GABRB1: variants seen among roughly 807,000 people sequenced by gnomAD.
GABRB1 encodes the protein gamma-aminobutyric acid receptor subunit beta-1.
GABRB1 carries 17 observed loss-of-function variants against 51.6 expected under a neutral mutation model. The ratio of observed to expected loss-of-function variants is 0.33; its 90% CI spans 0.23 to 0.49. The LOEUF (loss-of-function observed/expected upper bound fraction) is 0.49, where lower values mean the gene tolerates loss of function less well. Ranked by LOEUF, GABRB1 falls within the 20% of genes least tolerant of loss-of-function variation. The pLI, the probability that GABRB1 is intolerant of heterozygous loss-of-function variation, is 0.99. For synonymous variants in GABRB1, 247 were observed against 218.9 expected (o/e 1.13, Z -1.14); for missense variants, 410 against 600.6 (o/e 0.68, Z 3.32).
intron 5 of GABRB1, among the ~76,000 whole-genome samples, chr4:47,392,500 G>A (rs4463040): frequency 0.085 from 12,854 of 151,994 alleles, 589 homozygotes; most frequent in South Asian, 0.14. Flanking sequence ...GCACCACCAC[G>A]CCCAGCTAAT....
chr4:47,168,593 G>C (rs1718305344), intron 4 of GABRB1, among the ~76,000 whole-genome samples: 1 of 152,136 alleles, frequency 6.6e-6, no homozygotes, highest in South Asian at 2.1e-4. Flanking sequence ...TTCATAGGCA[G>C]TATAGTATAC....
chr4:47,254,368 T>TTTTTG (rs1722110976), intron 4 of GABRB1, among the ~76,000 whole-genome samples: 1 of 92,690 alleles, frequency 1.1e-5, no homozygotes, highest in African/African-American at 4.5e-5. Flanking sequence ...TTTGTTTTTT[T>TTTTTG]TTTTTTTTTT....
chr4:47,039,504 A>G (rs2109484723), intron 3 of GABRB1, among the ~76,000 whole-genome samples: 1 of 151,876 alleles, frequency 6.6e-6, no homozygotes. Context: ...TTTTTTGAAA[A>G]GCATATTTTT....
intron 4 of GABRB1, among the ~76,000 whole-genome samples, chr4:47,216,370 T>C (rs1202176867): frequency 2.0e-5 from 3 of 151,888 alleles, no homozygotes; most frequent in Non-Finnish European, 2.9e-5. Context: ...ATAGTCATGG[T>C]GATTGTAGAA....
intron 3 of GABRB1, among the ~76,000 whole-genome samples, chr4:47,072,532 T>C (rs1301982796): frequency 6.6e-6 from 1 of 152,160 alleles, no homozygotes; most frequent in Admixed American, 6.5e-5. Context: ...TATAAAGGAA[T>C]CTGCTATTTT....
At chr4:47,291,000 A>G (rs963188029) in intron 4 of GABRB1, among the ~76,000 whole-genome samples, 4 of 152,356 alleles carry the variant, frequency 2.6e-5, no homozygotes, top group East Asian at 3.9e-4. Flanking sequence ...GAGGAGCCCA[A>G]TGTTAATTCC....
chr4:47,029,718 A>G (rs1287663365), upstream of GABRB1, among the ~76,000 whole-genome samples: 1 of 151,982 alleles, frequency 6.6e-6, no homozygotes, highest in Non-Finnish European at 1.5e-5. Flanking sequence ...ATATATTTTC[A>G]TGTATGTAAT....
At chr4:47,220,034 C>A (rs1379302308) in intron 4 of GABRB1, among the ~76,000 whole-genome samples, 1 of 151,856 alleles carries the variant, frequency 6.6e-6, no homozygotes, top group Non-Finnish European at 1.5e-5. Flanking sequence ...ACTGATTAAA[C>A]CCATTATGTT....
At chr4:47,404,739 A>T (rs1728511972) in intron 7 of GABRB1, among the ~76,000 whole-genome samples, 1 of 152,210 alleles carries the variant, frequency 6.6e-6, no homozygotes, top group African/African-American at 2.4e-5. Context: ...CAAACAAATA[A>T]TAGTATCTAT....
chr4:47,131,480 A>C lies in GABRB1; in HGVS notation c.241-29769A>C, dbSNP rs1013752322. On this transcript the variant is annotated intron_variant, in intron 3 of 8. Coordinates refer to ENST00000295454, the MANE Select transcript of GABRB1 (RefSeq NM_000812.4). ...GCCGAGTCTTGTTTTTCTGAGTGCA[A>C]TGTAGCCATTGCTGTAGATTGTATT... Among the ~76,000 whole-genome samples the C allele has an allele frequency of 6.4e-4, 97 of 152,278 alleles. 2 individuals are homozygous for C. The highest frequency in any genetic ancestry group is 6.3e-3 in the Admixed American group (97 of 15,300).
intron 4 of GABRB1, among the ~76,000 whole-genome samples, chr4:47,294,243 A>G (rs2109926838): frequency 6.6e-6 from 1 of 152,320 alleles, no homozygotes; most frequent in South Asian, 2.1e-4. Flanking sequence ...AGGGAGTGCC[A>G]GACAATGGGT....
intron 4 of GABRB1, among the ~76,000 whole-genome samples, chr4:47,264,871 T>A (rs755622752): frequency 6.6e-6 from 1 of 152,208 alleles, no homozygotes; most frequent in South Asian, 2.1e-4. Flanking sequence ...TATAAATGAG[T>A]TTGCATTTTC....
At chr4:46,995,482 C>A (rs558758370) in intron 1 of GABRB1, among the ~76,000 whole-genome samples, 62 of 152,232 alleles carry the variant, frequency 4.1e-4, no homozygotes, top group African/African-American at 1.4e-3. Context: ...CCTCAGCCTT[C>A]TAAGTAGTTG....
intron 1 of GABRB1, among the ~76,000 whole-genome samples, chr4:46,995,501 G>A (rs1289322328): frequency 6.6e-6 from 1 of 152,088 alleles, no homozygotes; most frequent in African/African-American, 2.4e-5. Context: ...TGGAAGTACA[G>A]GTATGTGTCA....
intron 4 of GABRB1, among the ~76,000 whole-genome samples, chr4:47,226,274 T>G (rs1416589133): frequency 6.6e-6 from 1 of 152,104 alleles, no homozygotes; most frequent in Non-Finnish European, 1.5e-5. Context: ...AAATATGAAG[T>G]GCAAGATGGT....
intron 1 of GABRB1, among the ~76,000 whole-genome samples, chr4:47,017,250 G>A (rs1724779634): frequency 6.6e-6 from 1 of 152,130 alleles, no homozygotes; most frequent in African/African-American, 2.4e-5. Context: ...AAGTCTAAAG[G>A]ATTGCTTGGG....
At chr4:47,273,084 G>T (rs1722937548) in intron 4 of GABRB1, among the ~76,000 whole-genome samples, 1 of 152,108 alleles carries the variant, frequency 6.6e-6, no homozygotes, top group Non-Finnish European at 1.5e-5. Flanking sequence ...AAGGAAAAAA[G>T]CCAAAAGACA....
chr4:47,126,926 T>A (rs1471450714), intron 3 of GABRB1, among the ~76,000 whole-genome samples: 1 of 152,016 alleles, frequency 6.6e-6, no homozygotes, highest in East Asian at 1.9e-4. Context: ...TATCTATTTC[T>A]ATCTTTTTTA....
chr4:47,076,086 G>A (rs1028472568), intron 3 of GABRB1, among the ~76,000 whole-genome samples: 7 of 152,170 alleles, frequency 4.6e-5, no homozygotes, highest in African/African-American at 1.7e-4. Context: ...CCAATGAGAT[G>A]CAGCTTTTGT....
Sources: allele counts gnomAD v4.1 joint callset (sites outside exome capture counted in the v4.1 genomes callset), GRCh38; gene constraint gnomAD v4.1.1; transcripts MANE v1.5; gene names NCBI Gene and HGNC (gene_info 2026-07-23, HGNC 2026-07-21).